GLIS3: variants seen among roughly 807,000 people sequenced by gnomAD.
The protein encoded by GLIS3 is zinc finger protein GLIS3.
GLIS3 carries 53 observed loss-of-function variants against 78.6 expected under a neutral mutation model. That is an observed-to-expected ratio of 0.67 (90% CI 0.54 to 0.85). The LOEUF is 0.85. Ranked by LOEUF, GLIS3 falls within the 40% of genes least tolerant of loss-of-function variation. The pLI is 0.00. For missense variants in GLIS3, 1,703 were observed against 1,231.1 expected, an observed-to-expected ratio of 1.38 and a Z score of -5.74; for synonymous variants, 684 against 509.9, an observed-to-expected ratio of 1.34 and a Z score of -4.60.
chr9:4,397,584 C>A, the GLIS3 span, among the ~76,000 whole-genome samples: 1 of 150,616 alleles, frequency 6.6e-6, no homozygotes, highest in Non-Finnish European at 1.5e-5. Context: ...GTCCCCTCAT[C>A]TATCTCTTCA....
chr9:4,148,981 T>C (rs189662096), intron 2 of GLIS3, among the ~76,000 whole-genome samples: 2 of 152,190 alleles, frequency 1.3e-5, no homozygotes, highest in Non-Finnish European at 2.9e-5. Context: ...ACCTTTCCCA[T>C]GAAGCCCTCC....
At chr9:4,418,685 C>G in the GLIS3 span, among the ~76,000 whole-genome samples, 17 of 151,732 alleles carry the variant, frequency 1.1e-4, no homozygotes, top group African/African-American at 3.4e-4. Context: ...GATGACAGAG[C>G]CAGAGTCCAT....
the GLIS3 span, among the ~76,000 whole-genome samples, chr9:4,378,622 AAG>A: frequency 2.0e-5 from 3 of 152,190 alleles, no homozygotes; most frequent in South Asian, 2.1e-4. Flanking sequence ...TGAAAACAGA[AAG>A]AGAGATTCCA....
chr9:4,362,624 A>G, the GLIS3 span, among the ~76,000 whole-genome samples: 127,838 of 152,218 alleles, frequency 0.84, 54,212 homozygotes, highest in East Asian at 0.96. Context: ...GTGGCAAAGG[A>G]ATCTTACCTT....
chr9:4,333,625 T>A (rs933992708), intron 2 of GLIS3, among the ~76,000 whole-genome samples: 2 of 152,126 alleles, frequency 1.3e-5, no homozygotes, highest in East Asian at 3.9e-4. Context: ...TTTAACCCAA[T>A]GTTTCCCTAA....
intron 6 of GLIS3, among the ~76,000 whole-genome samples, chr9:3,917,168 G>C (rs1824566843): frequency 6.6e-6 from 1 of 152,174 alleles, no homozygotes; most frequent in South Asian, 2.1e-4. Flanking sequence ...GAAAAACTGA[G>C]GTTTTCACTA....
chr9:3,841,401 G>A (rs151146062), intron 9 of GLIS3, among the ~76,000 whole-genome samples: 3 of 152,184 alleles, frequency 2.0e-5, no homozygotes, highest in Non-Finnish European at 4.4e-5. Flanking sequence ...TGTACTAGCT[G>A]TGTGGCTTTG....
chr9:4,306,055 T>C (rs1817219943), intron 4 of GLIS3: 1 of 152,208 alleles, frequency 6.6e-6, no homozygotes, highest in South Asian at 2.1e-4. Context: ...TTTGCTTTTA[T>C]GACATCATTT....
intron 7 of GLIS3, among the ~76,000 whole-genome samples, chr9:3,888,928 T>G (rs1359415361): frequency 6.6e-6 from 1 of 152,202 alleles, no homozygotes; most frequent in Non-Finnish European, 1.5e-5. Context: ...GAAAATATAT[T>G]TTGAGGAAGC....
intron 4 of GLIS3, among the ~76,000 whole-genome samples, chr9:4,064,787 T>G (rs1826955592): frequency 6.6e-6 from 1 of 152,186 alleles, no homozygotes; most frequent in Non-Finnish European, 1.5e-5. Context: ...TCTTATTTCA[T>G]TTCCATTTTC....
the GLIS3 span, among the ~76,000 whole-genome samples, chr9:4,401,543 T>A: frequency 5.0e-4 from 76 of 150,508 alleles, no homozygotes; most frequent in African/African-American, 1.9e-3. Context: ...GAATTACCGG[T>A]GTGAGCCACC....
upstream of GLIS3, among the ~76,000 whole-genome samples, chr9:4,304,009 C>A (rs759834197): frequency 6.6e-6 from 1 of 152,246 alleles, no homozygotes; most frequent in Non-Finnish European, 1.5e-5. Flanking sequence ...CCATAACTTA[C>A]TTTTCTTCAT....
At chr9:3,865,538 A>G (rs13299913) in intron 8 of GLIS3, among the ~76,000 whole-genome samples, 5,939 of 152,348 alleles carry the variant, frequency 0.039, 154 homozygotes, top group Middle Eastern at 0.065. Context: ...TGACAAGAAC[A>G]TACTAACAAG....
At chr9:4,004,040 T>C (rs1821339356) in intron 4 of GLIS3, among the ~76,000 whole-genome samples, 1 of 152,176 alleles carries the variant, frequency 6.6e-6, no homozygotes, top group Non-Finnish European at 1.5e-5. Context: ...ACTTACTCCA[T>C]GTCAGGTAAA....
At chr9:4,324,849 A>G (rs1817579026) in intron 2 of GLIS3, among the ~76,000 whole-genome samples, 1 of 152,198 alleles carries the variant, frequency 6.6e-6, no homozygotes, top group Non-Finnish European at 1.5e-5. Context: ...CACTTCAATC[A>G]TCAATTTCTC....
At chr9:3,973,016 A>G (rs1299687844) in intron 4 of GLIS3, among the ~76,000 whole-genome samples, 1 of 152,144 alleles carries the variant, frequency 6.6e-6, no homozygotes, top group Non-Finnish European at 1.5e-5. Flanking sequence ...GTTCCTCAAA[A>G]CACCTTCAGG....
At chr9:4,070,821 C>A (rs1172882892) in intron 4 of GLIS3, 1 of 152,110 alleles carries the variant, frequency 6.6e-6, no homozygotes, top group Admixed American at 6.6e-5. Flanking sequence ...TACAAGAATG[C>A]TTTTTACAGT....
chr9:4,224,042 A>G (rs909760455), intron 2 of GLIS3, among the ~76,000 whole-genome samples: 1 of 151,710 alleles, frequency 6.6e-6, no homozygotes, highest in Non-Finnish European at 1.5e-5. Flanking sequence ...CTAAACTCAC[A>G]ATTAGAAACA....
intron 6 of GLIS3, among the ~76,000 whole-genome samples, chr9:3,918,162 T>C (rs1824646251): frequency 6.6e-6 from 1 of 152,204 alleles, no homozygotes; most frequent in Admixed American, 6.5e-5. Flanking sequence ...CTGGTTTCAG[T>C]CTTTTCTTTT....
Sources: gnomAD v4.1 joint callset for allele counts (sites outside exome capture counted in the v4.1 genomes callset) on GRCh38, gnomAD v4.1.1 for gene constraint, MANE v1.5 for transcripts, NCBI Gene and HGNC (gene_info 2026-07-23, HGNC 2026-07-21) for gene names.